SNX29: variants seen among roughly 807,000 people sequenced by gnomAD.
SNX29 encodes the protein sorting nexin 29.
In SNX29, 78 loss-of-function variants were observed where a neutral mutation model predicts 102.1. The ratio of observed to expected loss-of-function variants is 0.76; its 90% CI spans 0.64 to 0.92. The LOEUF is 0.92. Ranked by LOEUF, SNX29 falls within the 40% of genes least tolerant of loss-of-function variation. The pLI, the probability that SNX29 is intolerant of heterozygous loss-of-function variation, is 0.00. For synonymous variants in SNX29, 580 were observed against 414.5 expected, an observed-to-expected ratio of 1.40 and a Z score of -4.85; for missense variants, 1,280 against 1,061.7, an observed-to-expected ratio of 1.21 and a Z score of -2.86.
chr16:12,236,409 A>G (rs2077934382), intron 14 of SNX29, among the ~76,000 whole-genome samples: 1 of 152,116 alleles, frequency 6.6e-6, no homozygotes, highest in Admixed American at 6.5e-5. Context: ...TTCTTCTTGT[A>G]CTTTATACCA....
intron 14 of SNX29, among the ~76,000 whole-genome samples, chr16:12,265,220 T>C (rs2142541636): frequency 6.6e-6 from 1 of 152,338 alleles, no homozygotes; most frequent in South Asian, 2.1e-4. Context: ...GCTGTCCGCA[T>C]GTTTTATTCC....
At chr16:12,423,003 C>T (rs1470990851) in intron 18 of SNX29, among the ~76,000 whole-genome samples, 1 of 152,172 alleles carries the variant, frequency 6.6e-6, no homozygotes, top group Non-Finnish European at 1.5e-5. Context: ...TTATAAGACT[C>T]AGGCTTCTCA....
At chr16:12,547,438 G>A (rs928608579) in intron 20 of SNX29, among the ~76,000 whole-genome samples, 10 of 152,280 alleles carry the variant, frequency 6.6e-5, no homozygotes, top group African/African-American at 2.4e-4. Context: ...CCGGGGAGAG[G>A]GGATGGTGCC....
intron 4 of SNX29, 57 bp downstream of exon 4, chr16:12,027,501 T>G: frequency 6.3e-7 from 1 of 1,594,446 alleles, no homozygotes; most frequent in Non-Finnish European, 8.5e-7. Flanking sequence ...GCTCTTTTTC[T>G]TTTTATTTAT....
At chr16:12,257,772 C>T (rs2078619550) in intron 14 of SNX29, among the ~76,000 whole-genome samples, 1 of 151,712 alleles carries the variant, frequency 6.6e-6, no homozygotes, top group African/African-American at 2.4e-5. Context: ...AAGTAGTCCT[C>T]CCACCTCAGC....
intron 9 of SNX29, among the ~76,000 whole-genome samples, chr16:12,064,900 C>T (rs566253524): frequency 2.9e-4 from 44 of 152,358 alleles, no homozygotes; most frequent in African/African-American, 9.6e-4. Flanking sequence ...GGAGCCACTT[C>T]GTCTTTTAAT....
At chr16:12,484,085 A>G (rs2088107888) in intron 19 of SNX29, among the ~76,000 whole-genome samples, 1 of 152,168 alleles carries the variant, frequency 6.6e-6, no homozygotes, top group Non-Finnish European at 1.5e-5. Flanking sequence ...CATGGACTCC[A>G]CTTTCAAAGG....
At chr16:12,539,402 C>G (rs1045178948) in intron 20 of SNX29, among the ~76,000 whole-genome samples, 1 of 151,978 alleles carries the variant, frequency 6.6e-6, no homozygotes, top group Non-Finnish European at 1.5e-5. Context: ...TGTGTGAGAA[C>G]CGTCAAGTCG....
chr16:12,058,204 A>G (rs2151249463), intron 8 of SNX29, among the ~76,000 whole-genome samples: 1 of 152,112 alleles, frequency 6.6e-6, no homozygotes, highest in East Asian at 1.9e-4. Flanking sequence ...TAGTCCGCAC[A>G]GCAGGAAAGA....
At chr16:12,529,364 C>G (rs1457726127) in intron 20 of SNX29, among the ~76,000 whole-genome samples, 1 of 152,138 alleles carries the variant, frequency 6.6e-6, no homozygotes, top group Non-Finnish European at 1.5e-5. Flanking sequence ...AGACGTGACA[C>G]TTTGCAGATG....
chr16:12,430,841 C>A lies in SNX29; in HGVS notation c.2037+27312C>A, dbSNP rs146583357. On this transcript the variant is annotated intron_variant, in intron 18 of 20. Coordinates refer to ENST00000566228, the MANE Select transcript of SNX29 (RefSeq NM_032167.5). ...TAAAAGCTTCCAGGAGGGGGTGATT[C>A]TTGACGCAGTCTTTTTTTTTTTTTT... 7.1e-3 allele frequency among the ~76,000 whole-genome samples: 1,062 copies of A among 149,822 alleles called. 13 individuals carry two copies. Among genetic ancestry groups the A allele is most frequent in the African/African-American group, 0.025 (1,013 of 40,228 alleles).
intron 15 of SNX29, among the ~76,000 whole-genome samples, chr16:12,313,116 T>A (rs1235461408): frequency 6.6e-6 from 1 of 151,764 alleles, no homozygotes; most frequent in Admixed American, 6.6e-5. Context: ...TGGGGTCAAG[T>A]GATTCTCCTG....
intron 13 of SNX29, among the ~76,000 whole-genome samples, chr16:12,147,332 A>T (rs2055105762): frequency 1.3e-5 from 2 of 152,250 alleles, no homozygotes; most frequent in South Asian, 4.1e-4. Flanking sequence ...GGACAGAAGC[A>T]GGAGGAAATA....
At chr16:12,552,180 G>A (rs1040052923) in intron 20 of SNX29, among the ~76,000 whole-genome samples, 1 of 152,154 alleles carries the variant, frequency 6.6e-6, no homozygotes, top group South Asian at 2.1e-4. Flanking sequence ...TGCAGAAAGG[G>A]AAACAACGGC....
intron 18 of SNX29, among the ~76,000 whole-genome samples, chr16:12,467,839 G>A (rs142360003): frequency 2.0e-5 from 3 of 152,272 alleles, no homozygotes; most frequent in African/African-American, 4.8e-5. Context: ...GATGGTGGTC[G>A]TGCTGGGGTC....
At chr16:12,535,385 C>G (rs1237984693) in intron 20 of SNX29, among the ~76,000 whole-genome samples, 4 of 152,238 alleles carry the variant, frequency 2.6e-5, no homozygotes, top group East Asian at 3.8e-4. Flanking sequence ...ATTCACCCAT[C>G]TCGGCCTCCC....
At chr16:12,097,683 A>C (rs2141176290) in intron 11 of SNX29, among the ~76,000 whole-genome samples, 1 of 152,336 alleles carries the variant, frequency 6.6e-6, no homozygotes, top group Non-Finnish European at 1.5e-5. Flanking sequence ...AGCTAGGATC[A>C]ACTTTTGGTC....
At chr16:12,460,993 A>G (rs538501693) in intron 18 of SNX29, among the ~76,000 whole-genome samples, 1 of 152,344 alleles carries the variant, frequency 6.6e-6, no homozygotes, top group South Asian at 2.1e-4. Context: ...ATAATAGCCG[A>G]CTTTTGTTAA....
chr16:12,033,044 A>C (rs2057386458), intron 4 of SNX29, among the ~76,000 whole-genome samples: 1 of 151,512 alleles, frequency 6.6e-6, no homozygotes, highest in Non-Finnish European at 1.5e-5. Flanking sequence ...TAGTAGAGGC[A>C]GGGTTTCACC....
Sources: allele counts gnomAD v4.1 joint callset (sites outside exome capture counted in the v4.1 genomes callset), GRCh38; gene constraint gnomAD v4.1.1; transcripts MANE v1.5; gene names NCBI Gene and HGNC (gene_info 2026-07-23, HGNC 2026-07-21).